Variants in TBC1D8 observed in about 807,000 individuals in gnomAD.
TBC1D8 encodes the protein BUB2-like protein 1.
A neutral mutation model predicts 118.8 loss-of-function variants in TBC1D8; 65 were observed. The ratio of observed to expected loss-of-function variants is 0.55; its 90% CI spans 0.45 to 0.67. TBC1D8 has a LOEUF of 0.67. TBC1D8 is among the 30% of genes least tolerant of loss of function. The pLI, the probability that TBC1D8 is intolerant of heterozygous loss-of-function variation, is 0.00. For missense variants in TBC1D8, 1,376 were observed against 1,471.2 expected, an observed-to-expected ratio of 0.94 and a Z score of 1.06; for synonymous variants, 566 against 595.8, an observed-to-expected ratio of 0.95 and a Z score of 0.73.
intron 1 of TBC1D8, among the ~76,000 whole-genome samples, chr2:101,136,153 C>A (rs1678846574): frequency 6.6e-6 from 1 of 152,106 alleles, no homozygotes; most frequent in Non-Finnish European, 1.5e-5. Context: ...GGCCTGGCCT[C>A]ACGTTGAAAT....
At chr2:101,073,841 CT>C (rs1173212558) in intron 2 of TBC1D8, among the ~76,000 whole-genome samples, 1 of 152,222 alleles carries the variant, frequency 6.6e-6, no homozygotes, top group African/African-American at 2.4e-5. Context: ...AAGTGAGAGT[CT>C]TGCATGGATT....
intron 19 of TBC1D8, among the ~76,000 whole-genome samples, chr2:101,008,909 G>A (rs1188109143): frequency 1.3e-5 from 2 of 152,142 alleles, no homozygotes; most frequent in African/African-American, 4.8e-5. Flanking sequence ...CAGCTGAAAC[G>A]CTATAAAGTT....
intron 14 of TBC1D8, 107 bp from the exon 15 acceptor site, chr2:101,027,558 AC>A: frequency 1.1e-6 from 1 of 930,826 alleles, no homozygotes; most frequent in Non-Finnish European, 1.7e-6. Context: ...GAGCCCATGC[AC>A]CAGCTTCTCT....
Position 101,054,352 on chromosome 2 carries a change from G to A in TBC1D8, c.403-16C>T. 1 of 1,553,048 alleles carries A rather than the reference G, an allele frequency of 6.4e-7. No homozygotes were observed. The stretch of plus-strand genomic sequence containing the variant: ...CTATCAGAGCCTGACACACAGAGAT[G>A]ACAGTCCCTGCTCAGTGAGCCAGCA... On this transcript the variant is annotated splice_polypyrimidine_tract_variant and intron_variant, in intron 3 of 19. Coordinates refer to ENST00000409318, the MANE Select transcript of TBC1D8 (RefSeq NM_001330348.2).
intron 1 of TBC1D8, among the ~76,000 whole-genome samples, chr2:101,140,577 T>C (rs1161950121): frequency 2.6e-5 from 4 of 152,084 alleles, no homozygotes; most frequent in Non-Finnish European, 4.4e-5. Context: ...GTCTGCATTA[T>C]ATCAACGTTA....
intron 1 of TBC1D8, among the ~76,000 whole-genome samples, chr2:101,126,785 A>T (rs1043717802): frequency 1.3e-5 from 2 of 152,254 alleles, no homozygotes; most frequent in Admixed American, 1.3e-4. Context: ...AGATTGGTAA[A>T]TAAGTAATAA....
At chr2:101,047,229 C>A (rs1416245412) in intron 5 of TBC1D8, among the ~76,000 whole-genome samples, 3 of 152,198 alleles carry the variant, frequency 2.0e-5, no homozygotes, top group East Asian at 1.9e-4. Flanking sequence ...CCAGCCCAAT[C>A]AACCGAGGGT....
chr2:101,040,253 C>G lies in TBC1D8; in HGVS notation c.1005G>C (p.Met335Ile). 1.2e-6 allele frequency: 2 copies of G among 1,614,042 alleles called. No homozygotes were observed. The highest frequency in any genetic ancestry group is 2.2e-5 in the South Asian group (2 of 91,084). Residue 335 changes from methionine to isoleucine, a missense_variant, in exon 6 of 20, where the codon ATG becomes ATC. Met to Ile is a conservative substitution (Grantham distance 10). Transcript: ENST00000409318. ...AGCAGATGTAGCTGTCAGAGGCGAACATCCGCCCCGTGGTGTGACAGCGAC... is the reference window on the plus strand; with the variant it reads ...AGCAGATGTAGCTGTCAGAGGCGAAGATCCGCCCCGTGGTGTGACAGCGAC... The part of the protein sequence containing the change: ...PFSRCHTTGR[M>I]FASDSYICFA...
intron 3 of TBC1D8, among the ~76,000 whole-genome samples, 185 bp from the exon 4 acceptor site, chr2:101,054,521 C>T (rs1006880937): frequency 1.3e-5 from 2 of 151,622 alleles, no homozygotes; most frequent in East Asian, 1.9e-4. Context: ...CCCAGACACA[C>T]GGCTGCAGCA....
intron 17 of TBC1D8, among the ~76,000 whole-genome samples, chr2:101,020,297 CAGATAT>C (rs1454565544): frequency 6.6e-6 from 1 of 151,470 alleles, no homozygotes; most frequent in Non-Finnish European, 1.5e-5. Context: ...TTAAGAATGC[CAGATAT>C]AGATAATGAC....
chr2:101,054,282 C>A lies in TBC1D8; in HGVS notation c.457G>T (p.Glu153Ter). 1 of 1,592,074 alleles carries A rather than the reference C, an allele frequency of 6.3e-7. No homozygotes were observed. The highest frequency in any genetic ancestry group is 2.3e-5 in the East Asian group (1 of 43,766). Residue 153 changes from glutamate (E) to a stop codon, truncating the protein, a stop_gained, in exon 4 of 20, where the codon GAG becomes TAG. Coordinates refer to ENST00000409318, the MANE Select transcript of TBC1D8 (RefSeq NM_001330348.2). LOFTEE classifies it high-confidence loss of function. ...SRLAEQEEEP[E>*]KFREALVKFE... ...TTCACCAGGGCTTCTCGGAATTTCT[C>A]GGGTTCCTCCTCCTGCTCGGCGAGC...
At chr2:101,148,207 C>G (rs568270317) in intron 1 of TBC1D8, among the ~76,000 whole-genome samples, 9 of 152,344 alleles carry the variant, frequency 5.9e-5, no homozygotes, top group East Asian at 5.8e-4. Context: ...AATGGTCAGA[C>G]TGCCAGGTAA....
chr2:101,089,692 A>T (rs1675884399), intron 2 of TBC1D8, among the ~76,000 whole-genome samples: 1 of 152,112 alleles, frequency 6.6e-6, no homozygotes, highest in Admixed American at 6.5e-5. Flanking sequence ...ATCTGCCCAC[A>T]TGATCACAAT....
In TBC1D8 at chr2:101,069,442, C is replaced by T. The variant is rs1357790874; in HGVS notation, c.284-9903G>A. Among the ~76,000 whole-genome samples, 10 of 151,642 alleles carry T rather than the reference C, an allele frequency of 6.6e-5. No individual in the cohort carries two copies. In the South Asian group the frequency reaches 1.0e-3, roughly 16 times the overall value. ...TCTCTACTAAAAATACAAAATTTGC[C>T]GGGCGTGGTGGTGCTTGCCTGTAAT... On this transcript the variant is annotated intron_variant, in intron 2 of 19. Coordinates refer to ENST00000409318, the MANE Select transcript of TBC1D8 (RefSeq NM_001330348.2).
At chr2:101,011,122 A>G in intron 18 of TBC1D8, 96 bp from the exon 19 acceptor site, 1 of 1,170,704 alleles carries the variant, frequency 8.5e-7, no homozygotes, top group South Asian at 1.3e-5. Flanking sequence ...GGGGGTGAGG[A>G]ATTCCACTAA....
At chr2:101,019,354 T>C (rs1679884540) in intron 17 of TBC1D8, 1 of 228,744 alleles carries the variant, frequency 4.4e-6, no homozygotes, top group Admixed American at 5.4e-5. Context: ...AGTATGTCTG[T>C]CCCACCTTTA....
intron 17 of TBC1D8, among the ~76,000 whole-genome samples, chr2:101,013,616 A>G (rs576036461): frequency 6.6e-6 from 1 of 152,366 alleles, no homozygotes; most frequent in Non-Finnish European, 1.5e-5. Flanking sequence ...ACCAGCAGGA[A>G]GGTCTCTCCT....
rs1573102721 is a variant in TBC1D8, at chr2:101,136,954, T to C, written c.127+14173A>G. On this transcript the variant is annotated intron_variant, in intron 1 of 19. Transcript: ENST00000409318. ...CAATGCTCTTTACGCCTTTTTAAAG[T>C]GTTTCTGTCAAGCAAACACTGTTTT... Among the ~76,000 whole-genome samples the C allele has an allele frequency of 2.0e-5, 3 of 152,186 alleles. No homozygotes were observed. The South Asian group carries it at 6.2e-4, about 32-fold the overall frequency.
intron 1 of TBC1D8, among the ~76,000 whole-genome samples, chr2:101,136,910 A>G (rs544941269): frequency 6.6e-6 from 1 of 152,162 alleles, no homozygotes; most frequent in Non-Finnish European, 1.5e-5. Flanking sequence ...AAATACCTAC[A>G]TCTCCATCTG....
Sources: allele counts gnomAD v4.1 joint callset (sites outside exome capture counted in the v4.1 genomes callset), GRCh38; gene constraint gnomAD v4.1.1; transcripts MANE v1.5; gene names NCBI Gene and HGNC (gene_info 2026-07-23, HGNC 2026-07-21).